Variants in KIRREL1 observed in about 807,000 individuals in gnomAD.
The protein encoded by KIRREL1 is kin of IRRE-like protein 1.
KIRREL1 carries 25 observed loss-of-function variants against 83.3 expected under a neutral mutation model. That is an observed-to-expected ratio of 0.30 (90% CI 0.22 to 0.42). KIRREL1 has a LOEUF of 0.42. Among genes scored for constraint, KIRREL1 ranks in the 10% least tolerant of loss-of-function variants. The pLI is 1.00. For synonymous variants in KIRREL1, 388 were observed against 410.4 expected (o/e 0.95, Z 0.66); for missense variants, 812 against 1,032.3 (o/e 0.79, Z 2.92).
At chr1:158,013,330 T>C (rs1659739534) in intron 1 of KIRREL1, among the ~76,000 whole-genome samples, 1 of 152,170 alleles carries the variant, frequency 6.6e-6, no homozygotes, top group Middle Eastern at 3.4e-3. Flanking sequence ...ACCTGGGCAG[T>C]CCACTAAGCA....
chr1:158,021,642 C>T (rs1357224681), intron 1 of KIRREL1, among the ~76,000 whole-genome samples: 2 of 152,170 alleles, frequency 1.3e-5, no homozygotes, highest in East Asian at 1.9e-4. Flanking sequence ...ATACTATTTA[C>T]TTTCTATAAC....
intron 1 of KIRREL1, among the ~76,000 whole-genome samples, chr1:158,024,874 C>A (rs1660122698): frequency 6.6e-6 from 1 of 152,066 alleles, no homozygotes; most frequent in East Asian, 1.9e-4. Context: ...TTAAGTAACT[C>A]CTTGGAGGTG....
In KIRREL1 at chr1:158,060,013, G is replaced by A. The variant is rs1279753883; in HGVS notation, c.53-16100G>A. Among the ~76,000 whole-genome samples the A allele has an allele frequency of 2.0e-5, 3 of 152,152 alleles. No individual in the cohort carries two copies. In the South Asian group the frequency reaches 6.2e-4, roughly 32 times the overall value. On this transcript the variant is annotated intron_variant, in intron 1 of 14. Transcript: ENST00000359209. ...ACATACAGGTTGGTGTGAGGTTTCT[G>A]TGAAAGTTCCTTCCTCCAAGTCTCT... is the stretch of plus-strand genomic sequence containing the variant.
intron 1 of KIRREL1, among the ~76,000 whole-genome samples, chr1:158,048,999 G>T (rs574846343): frequency 6.6e-6 from 1 of 152,310 alleles, no homozygotes; most frequent in South Asian, 2.1e-4. Flanking sequence ...GTCAGGTGGG[G>T]CTTATCGGGA....
chr1:158,066,091 G>A (rs1661351452), intron 1 of KIRREL1, among the ~76,000 whole-genome samples: 1 of 151,876 alleles, frequency 6.6e-6, no homozygotes, highest in Non-Finnish European at 1.5e-5. Flanking sequence ...AGTGCAGGAA[G>A]AGTAGGCTTT....
At chr1:158,062,155 GT>G (rs1297778831) in intron 1 of KIRREL1, among the ~76,000 whole-genome samples, 2 of 152,144 alleles carry the variant, frequency 1.3e-5, no homozygotes, top group Non-Finnish European at 2.9e-5. Context: ...AAGATGAGTG[GT>G]TTTGGCTTCC....
Position 158,094,302 on chromosome 1 carries a change from C to G in KIRREL1, c.1720-11C>G. On this transcript the variant is annotated splice_polypyrimidine_tract_variant and intron_variant, in intron 13 of 14. Coordinates refer to ENST00000359209, the MANE Select transcript of KIRREL1 (RefSeq NM_018240.7). The surrounding 1 kb of genome is among the most constrained non-coding windows in gnomAD (Gnocchi z 4.6). ...TCCGTCTGCTGACGTCCCACTCCTG[C>G]TGCTCCACAGTCGTTTAAGGATGAT... The G allele has an allele frequency of 6.3e-7, 1 of 1,597,440 alleles. No individual in the cohort carries two copies. The highest frequency in any genetic ancestry group is 1.3e-5 in the African/African-American group (1 of 74,958).
At chr1:158,037,364 A>T (rs1187612166) in intron 1 of KIRREL1, among the ~76,000 whole-genome samples, 2 of 152,042 alleles carry the variant, frequency 1.3e-5, no homozygotes, top group African/African-American at 4.8e-5. Flanking sequence ...GTGGTGGCAC[A>T]TGCCTGTAGT....
chr1:158,067,189 G>A lies in KIRREL1; in HGVS notation c.53-8924G>A, dbSNP rs1341867181. 3.9e-5 allele frequency among the ~76,000 whole-genome samples: 6 copies of A among 152,128 alleles called. No homozygotes were observed. In the South Asian group the frequency reaches 8.3e-4, roughly 21 times the overall value. The stretch of plus-strand genomic sequence containing the variant: ...GTGAGTGGGCCTGGGCTGGCAGGTC[G>A]CTTCAGGGATCTCAGCTGCCTGATC... On this transcript the variant is annotated intron_variant, in intron 1 of 14. Transcript: ENST00000359209.
intron 11 of KIRREL1, among the ~76,000 whole-genome samples, chr1:158,091,997 G>T (rs945101015): frequency 6.6e-6 from 1 of 152,354 alleles, no homozygotes; most frequent in East Asian, 1.9e-4. Flanking sequence ...TTCGGATGGA[G>T]AAGAATCATA....
rs1286001192 is a variant in KIRREL1, at chr1:158,093,685, C to G, written c.1642C>G (p.Leu548Val). The G allele has an allele frequency of 1.2e-6, 2 of 1,614,090 alleles. No individual in the cohort carries two copies. The highest frequency in any genetic ancestry group is 2.7e-5 in the African/African-American group (2 of 74,936). Residue 548 changes from leucine (L) to valine (V), a missense_variant, in exon 13 of 15, where the codon CTT (leucine) becomes GTT (valine). By Grantham distance (32) the Leu-to-Val change is conservative (BLOSUM62 1). This residue lies in a region of KIRREL1 where 334 missense variants were observed against 383.7 expected (regional missense o/e 0.87). Coordinates refer to ENST00000359209, the MANE Select transcript of KIRREL1 (RefSeq NM_018240.7). ...GGTGGAGACAGTGAACCGAGAGCCA[C>G]TTACGATGCATTCTGACCGGGAGGA... Reference protein sequence around the residue: ...IKVETVNREPLTMHSDREDDT... With the variant: ...IKVETVNREPVTMHSDREDDT...
chr1:158,029,738 G>A (rs2101668092), intron 1 of KIRREL1, among the ~76,000 whole-genome samples: 1 of 152,306 alleles, frequency 6.6e-6, no homozygotes, highest in East Asian at 1.9e-4. Context: ...ACACAATTGT[G>A]ACATTGCACA....
At chr1:157,993,791 C>G in intron 1 of KIRREL1, 63 bp downstream of exon 1, 3 of 1,175,128 alleles carry the variant, frequency 2.6e-6, no homozygotes, top group Non-Finnish European at 3.5e-6. Flanking sequence ...CACTGCTTCC[C>G]CGGTGGGAGA....
At chr1:158,069,035 C>T (rs1170814942) in intron 1 of KIRREL1, among the ~76,000 whole-genome samples, 2 of 152,142 alleles carry the variant, frequency 1.3e-5, no homozygotes, top group Non-Finnish European at 2.9e-5. Flanking sequence ...CTGTCCTCCA[C>T]CACCCCCTAC....
chr1:158,094,259 G>A lies in KIRREL1; in HGVS notation c.1720-54G>A. 6.7e-7 allele frequency: 1 copy of A among 1,502,572 alleles called. No individual in the cohort carries two copies. 93.1% of individuals were successfully genotyped at this position (1,502,572 alleles called of 1,614,324 possible). A position where few individuals can be genotyped will look rare whatever the true frequency, so the allele number is the denominator to read the frequency against. The stretch of plus-strand genomic sequence containing the variant: ...TGAGCGTGGGGAGGGGTTGGTGAGG[G>A]GCGAAAAGAGCAGGGCTTCCGTCTG... On this transcript the variant is annotated intron_variant, in intron 13 of 14. Coordinates refer to ENST00000359209, the MANE Select transcript of KIRREL1 (RefSeq NM_018240.7). This position sits in a 1 kb window ranked among gnomAD's most constrained non-coding sequence, Gnocchi z 4.6.
intron 1 of KIRREL1, among the ~76,000 whole-genome samples, chr1:158,003,835 A>G (rs1659440469): frequency 6.6e-6 from 1 of 152,198 alleles, no homozygotes; most frequent in African/African-American, 2.4e-5. Flanking sequence ...TTTCAAAGCC[A>G]AGTTGAAATG....
chr1:158,080,017 A>G (rs1485297920), intron 3 of KIRREL1, among the ~76,000 whole-genome samples: 1 of 152,200 alleles, frequency 6.6e-6, no homozygotes, highest in Non-Finnish European at 1.5e-5. Flanking sequence ...GGAAAGAATT[A>G]GCAAGGAGCA....
chr1:157,994,492 C>T (rs1256455325), intron 1 of KIRREL1, among the ~76,000 whole-genome samples: 1 of 151,556 alleles, frequency 6.6e-6, no homozygotes, highest in Non-Finnish European at 1.5e-5. Flanking sequence ...TTGACACTGG[C>T]AGGGGAGAGG....
In KIRREL1 at chr1:158,094,409, G is replaced by T. The variant is rs752520528; in HGVS notation, c.1797+19G>T. 3 of 1,610,142 alleles carry T rather than the reference G, an allele frequency of 1.9e-6. No homozygotes were observed. The highest frequency in any genetic ancestry group is 4.5e-5 in the East Asian group (2 of 44,784). On this transcript the variant is annotated intron_variant, in intron 14 of 14. Transcript: ENST00000359209. This position sits in a 1 kb window ranked among gnomAD's most constrained non-coding sequence, Gnocchi z 4.6. ...GATGAAGGTGGGAAAGGGGGAAGGGGCCAGGGCATGAGGGCTGGTGGGCCA... is the reference window on the plus strand; with the variant it reads ...GATGAAGGTGGGAAAGGGGGAAGGGTCCAGGGCATGAGGGCTGGTGGGCCA...
Sources: gnomAD v4.1 joint callset for allele counts (sites outside exome capture counted in the v4.1 genomes callset) on GRCh38, gnomAD v4.1.1 for gene constraint, gnomAD v4.1.1 regional missense constraint, Gnocchi (gnomAD v3.1) non-coding constraint, MANE v1.5 for transcripts, NCBI Gene and HGNC (gene_info 2026-07-23, HGNC 2026-07-21) for gene names.